Variants in HIVEP3 observed in about 807,000 individuals in gnomAD.
HIVEP3 encodes the protein transcription factor HIVEP3.
Under a neutral mutation model 152.8 loss-of-function variants are expected in HIVEP3, and 49 were observed. The observed-to-expected ratio is 0.32, with a 90% CI of 0.26 to 0.41. The LOEUF is 0.41. Ranked by LOEUF, HIVEP3 falls within the 10% of genes least tolerant of loss-of-function variation. HIVEP3 has a pLI of 1.00. For synonymous variants in HIVEP3, 1,269 were observed against 1,289.0 expected (o/e 0.98, Z 0.33); for missense variants, 2,790 against 3,103.3 (o/e 0.90, Z 2.40).
chr1:41,808,503 A>G (rs1189307288), intron 1 of HIVEP3, among the ~76,000 whole-genome samples: 2 of 152,220 alleles, frequency 1.3e-5, no homozygotes, highest in Non-Finnish European at 2.9e-5. Flanking sequence ...GGAACCAACA[A>G]TTTGTTGACT....
intron 5 of HIVEP3, among the ~76,000 whole-genome samples, chr1:41,566,266 A>G (rs901894224): frequency 6.6e-6 from 1 of 152,142 alleles, no homozygotes; most frequent in African/African-American, 2.4e-5. Context: ...TGGAATAGTG[A>G]AAAGAGGCCT....
At chr1:41,943,096 A>G (rs1477856491) in intron 1 of HIVEP3, among the ~76,000 whole-genome samples, 1 of 151,834 alleles carries the variant, frequency 6.6e-6, no homozygotes, top group East Asian at 1.9e-4. Flanking sequence ...TTTAGTAGAG[A>G]CGGGTTTCAC....
intron 1 of HIVEP3, among the ~76,000 whole-genome samples, chr1:41,849,448 C>T (rs1263771466): frequency 2.0e-5 from 3 of 149,828 alleles, no homozygotes; most frequent in Non-Finnish European, 4.5e-5. Context: ...AAGCAGCCTG[C>T]CTCCTTGCTA....
chr1:41,904,084 A>T (rs1369885589), intron 1 of HIVEP3, among the ~76,000 whole-genome samples: 1 of 151,780 alleles, frequency 6.6e-6, no homozygotes, highest in Non-Finnish European at 1.5e-5. Flanking sequence ...TTTAGTAGAG[A>T]TGGGGTATTG....
rs766987116 is a variant in HIVEP3 at position 41,660,975 on chromosome 1, A to C, written c.-720-32028T>G. Among the ~76,000 whole-genome samples, 26 of 152,320 alleles carry C rather than the reference A, an allele frequency of 1.7e-4. 1 individual carries two copies. The highest frequency in any genetic ancestry group is 1.2e-3 in the South Asian group (6 of 4,822). ...ACCCCTTTTTTGCAGATGATGGAAC[A>C]GAAAGGGTGTTCTAAGTCACAGAGC... On this transcript the variant is annotated intron_variant, in intron 2 of 8. Transcript: ENST00000372583.
At chr1:41,538,460 C>T (rs1233870761) in intron 5 of HIVEP3, among the ~76,000 whole-genome samples, 4 of 152,136 alleles carry the variant, frequency 2.6e-5, no homozygotes, top group African/African-American at 9.7e-5. Context: ...AGGCTTGCTA[C>T]CTACAGTGGC....
At chr1:41,527,410 ACACT>A (rs937843435) in intron 5 of HIVEP3, among the ~76,000 whole-genome samples, 4 of 109,622 alleles carry the variant, frequency 3.6e-5, no homozygotes, top group East Asian at 3.0e-4. Context: ...CCCTGCCCTC[ACACT>A]CACCTTCACT....
chr1:41,773,412 G>C (rs1648500029), intron 1 of HIVEP3, among the ~76,000 whole-genome samples: 1 of 152,184 alleles, frequency 6.6e-6, no homozygotes, highest in East Asian at 1.9e-4. Context: ...TGACTGTACT[G>C]GTTGTGAAAG....
chr1:41,732,784 A>G (rs915081747), intron 1 of HIVEP3, among the ~76,000 whole-genome samples: 1 of 152,054 alleles, frequency 6.6e-6, no homozygotes, highest in African/African-American at 2.4e-5. Flanking sequence ...AGAACCCCAA[A>G]CACTTCAAGC....
intron 1 of HIVEP3, among the ~76,000 whole-genome samples, chr1:41,975,494 A>G (rs1645254334): frequency 6.6e-6 from 1 of 152,242 alleles, no homozygotes; most frequent in Non-Finnish European, 1.5e-5. Context: ...CAATCTGGTC[A>G]TTGAGCCCTT....
At chr1:41,536,098 A>G (rs1159164454) in intron 5 of HIVEP3, among the ~76,000 whole-genome samples, 1 of 152,104 alleles carries the variant, frequency 6.6e-6, no homozygotes, top group African/African-American at 2.4e-5. Context: ...TGTGGTGGAA[A>G]TTGCATGGCA....
intron 1 of HIVEP3, among the ~76,000 whole-genome samples, chr1:41,740,754 G>A (rs1395274547): frequency 6.6e-6 from 1 of 152,200 alleles, no homozygotes; most frequent in Non-Finnish European, 1.5e-5. Flanking sequence ...ATGGGAACAG[G>A]AGCACTGCAC....
chr1:41,799,890 C>A (rs1432549097), intron 1 of HIVEP3, among the ~76,000 whole-genome samples: 1 of 152,074 alleles, frequency 6.6e-6, no homozygotes, highest in Non-Finnish European at 1.5e-5. Context: ...CTGCCTGGTG[C>A]CTGAGAAGCT....
intron 1 of HIVEP3, among the ~76,000 whole-genome samples, chr1:41,712,694 C>T (rs1362274573): frequency 6.6e-6 from 1 of 152,242 alleles, no homozygotes; most frequent in African/African-American, 2.4e-5. Context: ...AGAGCCACAA[C>T]CTGTCCCAGG....
Position 41,796,409 on chromosome 1 carries a change from G to A in HIVEP3, c.-800-95414C>T, listed in dbSNP as rs768451037. On this transcript the variant is annotated intron_variant, in intron 1 of 8. Coordinates refer to ENST00000372583, the MANE Select transcript of HIVEP3 (RefSeq NM_024503.5). The stretch of plus-strand genomic sequence containing the variant: ...AGAACTATATGAGGACAAAGAATAA[G>A]GCAGCCTTGCCCAGAGTTCAAATCC... Among the ~76,000 whole-genome samples the A allele has an allele frequency of 1.8e-4, 28 of 152,240 alleles. 1 individual carries two copies. Among genetic ancestry groups the A allele is most frequent in the African/African-American group, 6.8e-4 (28 of 41,464 alleles).
intron 1 of HIVEP3, among the ~76,000 whole-genome samples, chr1:41,889,269 C>T (rs1383396003): frequency 6.6e-6 from 1 of 152,160 alleles, no homozygotes; most frequent in Admixed American, 6.5e-5. Flanking sequence ...CACACAAACT[C>T]ACACACTTTA....
chr1:41,872,095 C>T (rs61021321), intron 1 of HIVEP3, among the ~76,000 whole-genome samples: 8,293 of 152,218 alleles, frequency 0.054, 726 homozygotes, highest in African/African-American at 0.19. Flanking sequence ...AAAGTTCCCT[C>T]ATCCTTGATA....
At chr1:41,644,133 A>G (rs1462956909) in intron 2 of HIVEP3, among the ~76,000 whole-genome samples, 2 of 151,560 alleles carry the variant, frequency 1.3e-5, no homozygotes, top group African/African-American at 4.8e-5. Context: ...TGATCCACCC[A>G]CCTTGGCCTC....
At chr1:41,824,540 A>G (rs1642700604) in intron 1 of HIVEP3, among the ~76,000 whole-genome samples, 1 of 151,856 alleles carries the variant, frequency 6.6e-6, no homozygotes. Flanking sequence ...GTGCACTGAC[A>G]ACCTCAACAA....
Sources: gnomAD v4.1 joint callset for allele counts (sites outside exome capture counted in the v4.1 genomes callset) on GRCh38, gnomAD v4.1.1 for gene constraint, MANE v1.5 for transcripts, NCBI Gene and HGNC (gene_info 2026-07-23, HGNC 2026-07-21) for gene names.